HHLA2: variants seen among roughly 807,000 people sequenced by gnomAD.
HHLA2 encodes HHLA2 member of B7 family.
HHLA2 carries 48 observed loss-of-function variants against 45.9 expected under a neutral mutation model. The observed-to-expected ratio is 1.05, with a 90% confidence interval of 0.83 to 1.33. HHLA2 has a LOEUF of 1.33. HHLA2 is among the 40% of genes most tolerant of loss of function. HHLA2 has a pLI of 0.00. For missense variants in HHLA2, 462 were observed against 494.3 expected (o/e 0.93, Z 0.62); for synonymous variants, 161 against 173.9 (o/e 0.93, Z 0.59).
intron 8 of HHLA2, among the ~76,000 whole-genome samples, chr3:108,369,300 C>T (rs2082122824): frequency 6.6e-6 from 1 of 152,132 alleles, no homozygotes; most frequent in Non-Finnish European, 1.5e-5. Context: ...ACCCTAACAT[C>T]ACAATGAAAA....
At chr3:108,340,908 T>TTTCCTTCCTTCC (rs1198848913) in intron 3 of HHLA2, among the ~76,000 whole-genome samples, 2 of 59,462 alleles carry the variant, frequency 3.4e-5, no homozygotes, top group African/African-American at 8.6e-5. Context: ...TTTTTTTTTT[T>TTTCCTTCCTTCC]TTCCTTCCTT....
intron 3 of HHLA2, among the ~76,000 whole-genome samples, chr3:108,346,413 G>T (rs748908176): frequency 1.3e-5 from 2 of 152,174 alleles, no homozygotes; most frequent in South Asian, 2.1e-4. Flanking sequence ...TTGTTAAGAC[G>T]TCTTTTACAA....
At chr3:108,367,008 A>G (rs1410024182) in intron 8 of HHLA2, among the ~76,000 whole-genome samples, 1 of 152,184 alleles carries the variant, frequency 6.6e-6, no homozygotes, top group Non-Finnish European at 1.5e-5. Flanking sequence ...CAGAGGAAGG[A>G]GCAGGCAGCA....
intron 1 of HHLA2, among the ~76,000 whole-genome samples, chr3:108,299,677 G>A (rs2080819569): frequency 1.3e-5 from 2 of 152,078 alleles, no homozygotes; most frequent in Non-Finnish European, 2.9e-5. Context: ...AAGAGAGGAG[G>A]AAGGGACATA....
At chr3:108,364,856 T>C (rs1222420084) in intron 8 of HHLA2, among the ~76,000 whole-genome samples, 4 of 152,248 alleles carry the variant, frequency 2.6e-5, no homozygotes, top group African/African-American at 7.2e-5. Flanking sequence ...TATTTTTTTC[T>C]TGTAAATTTG....
chr3:108,369,793 G>T (rs1362442690), intron 8 of HHLA2, among the ~76,000 whole-genome samples: 1 of 152,224 alleles, frequency 6.6e-6, no homozygotes, highest in Non-Finnish European at 1.5e-5. Context: ...CGAGGCTTGA[G>T]TAGGTAAACA....
intron 3 of HHLA2, among the ~76,000 whole-genome samples, chr3:108,328,614 T>G (rs1239823284): frequency 6.6e-6 from 1 of 152,134 alleles, no homozygotes; most frequent in African/African-American, 2.4e-5. Context: ...GCTGTTGAGG[T>G]GAATTTAGAC....
At chr3:108,328,978 C>T (rs187007217) in intron 3 of HHLA2, among the ~76,000 whole-genome samples, 3 of 152,198 alleles carry the variant, frequency 2.0e-5, no homozygotes, top group South Asian at 4.1e-4. Flanking sequence ...TGGATTCATG[C>T]GTGGGATTTG....
intron 5 of HHLA2, 128 bp downstream of exon 4, chr3:108,353,908 G>T: frequency 1.5e-6 from 1 of 670,788 alleles, no homozygotes; most frequent in Non-Finnish European, 2.5e-6. Flanking sequence ...TATTTTTAAC[G>T]CACAGCAACT....
In HHLA2 at chr3:108,343,757, G is replaced by A. The variant is rs147776648; in HGVS notation, c.-26-8031G>A. On this transcript the variant is annotated intron_variant, in intron 3 of 10. Coordinates refer to ENST00000619531, the Ensembl canonical transcript of HHLA2. Reference sequence around the variant, plus strand: ...TCATACTGGGGAATGACGATTGCTGGATATATCACTTACCACACAATAGAT... The same window carrying A: ...TCATACTGGGGAATGACGATTGCTGAATATATCACTTACCACACAATAGAT... Among the ~76,000 whole-genome samples the A allele has an allele frequency of 8.7e-3, 1,329 of 152,306 alleles. 16 individuals are homozygous for A. Among genetic ancestry groups the A allele is most frequent in the Non-Finnish European group, 0.013 (877 of 68,034 alleles).
chr3:108,320,340 A>G (rs1366229799), intron 2 of HHLA2, among the ~76,000 whole-genome samples: 1 of 152,230 alleles, frequency 6.6e-6, no homozygotes, highest in Non-Finnish European at 1.5e-5. Flanking sequence ...CCAAAGAACA[A>G]CAGAAAAAAA....
At chr3:108,344,838 C>T (rs1327151868) in intron 3 of HHLA2, among the ~76,000 whole-genome samples, 3 of 152,142 alleles carry the variant, frequency 2.0e-5, no homozygotes, top group African/African-American at 7.2e-5. Context: ...CAACAAAACC[C>T]CACTCTGTCT....
intron 3 of HHLA2, among the ~76,000 whole-genome samples, chr3:108,340,951 T>TTCCTTCCTTC (rs1560230330): frequency 2.9e-5 from 3 of 104,234 alleles, no homozygotes; most frequent in Non-Finnish European, 5.4e-5. Context: ...TTCCTTCCTT[T>TTCCTTCCTTC]CTTTCTTTCT....
At chr3:108,310,824 T>C (rs1008607678) in intron 2 of HHLA2, 83 bp downstream of exon 2, 4 of 152,590 alleles carry the variant, frequency 2.6e-5, no homozygotes, top group Non-Finnish European at 5.9e-5. Flanking sequence ...TTAAAAGACA[T>C]ATTCAGTCAT....
In HHLA2 at chr3:108,310,006, A is replaced by G. The variant is rs1445579088; in HGVS notation, c.-191-649A>G. On this transcript the variant is annotated intron_variant, in intron 1 of 10. Transcript: ENST00000619531. ...TTTTTATTCTTTGGGTTATAATCTA[A>G]TATTATAATTTATTTTGCTGCTTAA... is the stretch of plus-strand genomic sequence containing the variant. Among the ~76,000 whole-genome samples the G allele has an allele frequency of 2.6e-5, 4 of 152,108 alleles. No individual in the cohort carries two copies. In the East Asian group the frequency reaches 7.7e-4, roughly 29 times the overall value.
intron 3 of HHLA2, among the ~76,000 whole-genome samples, chr3:108,342,792 T>A (rs1489442620): frequency 6.6e-6 from 1 of 152,198 alleles, no homozygotes; most frequent in Admixed American, 6.5e-5. Context: ...CTGTCCAGAA[T>A]AACCTTCTAC....
chr3:108,334,004 T>C (rs1290506841), intron 3 of HHLA2, among the ~76,000 whole-genome samples: 3 of 152,162 alleles, frequency 2.0e-5, no homozygotes, highest in Non-Finnish European at 4.4e-5. Context: ...GGGAAGTAAA[T>C]TGCGAAGGCA....
chr3:108,304,293 T>G (rs1345310814), intron 1 of HHLA2, among the ~76,000 whole-genome samples: 1 of 152,184 alleles, frequency 6.6e-6, no homozygotes, highest in Non-Finnish European at 1.5e-5. Flanking sequence ...GTGGCTTAAA[T>G]TAAGAAAAAC....
chr3:108,328,212 C>A, intron 2 of HHLA2: 1 of 728,658 alleles, frequency 1.4e-6, no homozygotes, highest in Non-Finnish European at 2.1e-6. Flanking sequence ...TTTTATTTTA[C>A]TGGTCATCTG....
Sources: gnomAD v4.1 joint callset for allele counts (sites outside exome capture counted in the v4.1 genomes callset) on GRCh38, gnomAD v4.1.1 for gene constraint, MANE v1.5 for transcripts, NCBI Gene and HGNC (gene_info 2026-07-23, HGNC 2026-07-21) for gene names.